The following CREB5 variants were observed in gnomAD, a reference collection of about 807,000 sequenced individuals.
CREB5 encodes cyclic AMP-responsive element-binding protein 5.
CREB5 carries 19 observed loss-of-function variants against 57.1 expected under a neutral mutation model. The ratio of observed to expected loss-of-function variants is 0.33; its 90% CI spans 0.23 to 0.49. The LOEUF (loss-of-function observed/expected upper bound fraction) is 0.49. CREB5 is among the 20% of genes least tolerant of loss of function. The pLI, the probability that CREB5 is intolerant of heterozygous loss-of-function variation, is 0.99. For missense variants in CREB5, 579 were observed against 671.6 expected (o/e 0.86, Z 1.52); for synonymous variants, 238 against 238.3 (o/e 1.00, Z 0.01).
At chr7:28,687,988 G>A (rs1801038975) in intron 5 of CREB5, among the ~76,000 whole-genome samples, 5 of 152,262 alleles carry the variant, frequency 3.3e-5, no homozygotes, top group Middle Eastern at 3.4e-3. Context: ...CTTTCCACTC[G>A]AAAGTTCTAT....
At chr7:28,808,280 A>G (rs116227022) in intron 8 of CREB5, among the ~76,000 whole-genome samples, 1 of 152,340 alleles carries the variant, frequency 6.6e-6, no homozygotes, top group African/African-American at 2.4e-5. Context: ...CTCTGCATTA[A>G]GAACTGTGTA....
At position 28,770,235 on chromosome 7, in the gene CREB5, C is replaced by T. The variant is rs538363903; in HGVS notation, c.703-33964C>T. ...TTCAGCTTCAACTTGGTCTGTTTTGCCATCCAGAGCAGATCTGTGGCCACT... is the reference window on the plus strand; with the variant it reads ...TTCAGCTTCAACTTGGTCTGTTTTGTCATCCAGAGCAGATCTGTGGCCACT... On this transcript the variant is annotated intron_variant, in intron 7 of 10. Coordinates refer to ENST00000357727, the MANE Select transcript of CREB5 (RefSeq NM_182898.4). 3.9e-5 allele frequency among the ~76,000 whole-genome samples: 6 copies of T among 152,268 alleles called. No individual in the cohort carries two copies. The South Asian group carries it at 1.2e-3, about 32-fold the overall frequency.
chr7:28,306,568 T>TTTG (rs1562649592), intron 1 of CREB5, among the ~76,000 whole-genome samples: 1 of 132,712 alleles, frequency 7.5e-6, no homozygotes, highest in Non-Finnish European at 1.6e-5. Flanking sequence ...TTTTTTTTTT[T>TTTG]TTTTTTTTTT....
At chr7:28,670,045 T>G (rs1032152041) in intron 5 of CREB5, among the ~76,000 whole-genome samples, 1 of 152,210 alleles carries the variant, frequency 6.6e-6, no homozygotes, top group East Asian at 1.9e-4. Flanking sequence ...TGAGACCAGT[T>G]GGTACATGGT....
intron 7 of CREB5, among the ~76,000 whole-genome samples, chr7:28,783,941 C>A (rs983781951): frequency 3.9e-5 from 6 of 152,150 alleles, no homozygotes; most frequent in African/African-American, 1.4e-4. Flanking sequence ...ACACTGGCAG[C>A]CTCATATATA....
intron 1 of CREB5, among the ~76,000 whole-genome samples, chr7:28,383,170 G>T (rs1324227412): frequency 6.6e-6 from 1 of 152,154 alleles, no homozygotes; most frequent in Non-Finnish European, 1.5e-5. Flanking sequence ...CAAGGGATTG[G>T]TGGATTCGTG....
At chr7:28,524,801 A>G (rs923067558) in intron 4 of CREB5, among the ~76,000 whole-genome samples, 1 of 152,204 alleles carries the variant, frequency 6.6e-6, no homozygotes, top group Non-Finnish European at 1.5e-5. Context: ...TATTTAGGCT[A>G]TTACCTTAAA....
intron 5 of CREB5, among the ~76,000 whole-genome samples, chr7:28,625,613 A>G (rs36114730): frequency 0.17 from 25,888 of 152,174 alleles, 3,019 homozygotes; most frequent in East Asian, 0.44. Flanking sequence ...TGAATTCCAT[A>G]CAGCCAAGGC....
At chr7:28,815,967 G>A (rs11974936) in intron 9 of CREB5, among the ~76,000 whole-genome samples, 18,676 of 151,994 alleles carry the variant, frequency 0.12, 1,369 homozygotes, top group African/African-American at 0.2. Context: ...AGGGGGCAAG[G>A]TGTCTAGCAG....
At chr7:28,754,947 T>C (rs1156695593) in intron 7 of CREB5, among the ~76,000 whole-genome samples, 1 of 152,218 alleles carries the variant, frequency 6.6e-6, no homozygotes, top group Admixed American at 6.5e-5. Flanking sequence ...CTTTCACACC[T>C]GAGGCCTGAG....
chr7:28,355,767 G>A (rs139091558), intron 1 of CREB5, among the ~76,000 whole-genome samples: 122 of 152,250 alleles, frequency 8.0e-4, no homozygotes, highest in Non-Finnish European at 1.1e-3. Flanking sequence ...TTTATGACAC[G>A]CAGCTATTGA....
intron 5 of CREB5, among the ~76,000 whole-genome samples, chr7:28,663,419 G>T (rs896382131): frequency 1.3e-5 from 2 of 152,042 alleles, no homozygotes; most frequent in Non-Finnish European, 2.9e-5. Flanking sequence ...TGCCCAGGCT[G>T]GTCTCAAACT....
intron 7 of CREB5, among the ~76,000 whole-genome samples, chr7:28,763,943 G>A (rs1381146075): frequency 6.6e-6 from 1 of 151,962 alleles, no homozygotes; most frequent in African/African-American, 2.4e-5. Flanking sequence ...AGGACTACAG[G>A]TGTGCACCAC....
In CREB5 at chr7:28,372,989, G is replaced by A. The variant is rs537575413; in HGVS notation, c.-25+73548G>A. On this transcript the variant is annotated intron_variant, in intron 1 of 9. Transcript: ENST00000396299. ...TGTTTATTTGGGGTAAGGACACACC[G>A]CTCTGGCTCCTGCCTGGCTCTGTTT... Among the ~76,000 whole-genome samples, 4 of 152,276 alleles carry A rather than the reference G, an allele frequency of 2.6e-5. No homozygotes were observed. In the South Asian group the frequency reaches 6.2e-4, roughly 24 times the overall value.
chr7:28,613,338 T>C (rs1797469993), intron 5 of CREB5, among the ~76,000 whole-genome samples: 1 of 152,234 alleles, frequency 6.6e-6, no homozygotes, highest in Non-Finnish European at 1.5e-5. Context: ...GCCCAGATCC[T>C]GCCCCAGGTG....
At chr7:28,652,965 G>GA in intron 5 of CREB5, among the ~76,000 whole-genome samples, 1 of 152,086 alleles carries the variant, frequency 6.6e-6, no homozygotes, top group Non-Finnish European at 1.5e-5. Context: ...TTCTGTCTAG[G>GA]AAAAATCTTT....
intron 5 of CREB5, among the ~76,000 whole-genome samples, chr7:28,617,877 C>T (rs1438077706): frequency 6.6e-6 from 1 of 152,006 alleles, no homozygotes; most frequent in East Asian, 1.9e-4. Context: ...CTCCTTTGAG[C>T]AGCAGTATAG....
rs61736228 is a variant in CREB5 at position 28,819,163 on chromosome 7, C to T, written c.1411C>T (p.Gln471Ter). The T allele has an allele frequency of 6.2e-7, 1 of 1,613,794 alleles. No homozygotes were observed. Among genetic ancestry groups the T allele is most frequent in the African/African-American group, 1.3e-5 (1 of 74,992 alleles). The part of the protein sequence containing the change: ...PASPVPACSQ[Q>*]QVIQHNTITT... ...TAGTCCTGTCCCAGCTTGCTCCCAG[C>T]AACAAGTCATCCAGCATAATACCAT... The change falls in exon 11 of 11, where the codon CAA (glutamine) becomes TAA (stop). Residue 471 changes from glutamine (Q) to a stop codon, truncating the protein, a stop_gained. Coordinates refer to ENST00000357727, the MANE Select transcript of CREB5 (RefSeq NM_182898.4). LOFTEE classifies it high-confidence loss of function.
chr7:28,707,928 C>T (rs561972642), intron 5 of CREB5, among the ~76,000 whole-genome samples: 47 of 152,312 alleles, frequency 3.1e-4, no homozygotes, highest in African/African-American at 1.1e-3. Context: ...ATTTCCTTTA[C>T]TTTTCCCATT....
Sources: allele counts gnomAD v4.1 joint callset (sites outside exome capture counted in the v4.1 genomes callset), GRCh38; gene constraint gnomAD v4.1.1; transcripts MANE v1.5; gene names NCBI Gene and HGNC (gene_info 2026-07-23, HGNC 2026-07-21).